The following ZNF124 variants were observed in gnomAD, a reference collection of about 807,000 sequenced individuals.
ZNF124 encodes the protein zinc finger protein HZF-16.
In ZNF124, 25 loss-of-function variants were observed where a neutral mutation model predicts 26.6. The ratio of observed to expected loss-of-function variants is 0.94; its 90% CI spans 0.68 to 1.31. The LOEUF is 1.31. Among genes scored for constraint, ZNF124 ranks in the 40% most tolerant of loss-of-function variants. The pLI, the probability that ZNF124 is intolerant of heterozygous loss-of-function variation, is 0.00. For missense variants in ZNF124, 444 were observed against 422.2 expected, an observed-to-expected ratio of 1.05 and a Z score of -0.45; for synonymous variants, 129 against 133.3, an observed-to-expected ratio of 0.97 and a Z score of 0.22.
In ZNF124 at chr1:247,127,503, AAAG is replaced by A. The variant is rs1207859270; in HGVS notation, c.219-3635_219-3633del. Among the ~76,000 whole-genome samples, 119 of 117,000 alleles carry A rather than the reference AAAG, an allele frequency of 1.0e-3. No homozygotes were observed. The Middle Eastern group carries it at 0.011, about 10-fold the overall frequency. The allele number at this position is 117,000 out of a possible 152,430, so 76.8% of individuals were successfully genotyped here. A position where few individuals can be genotyped will look rare whatever the true frequency, so the allele number is the denominator to read the frequency against. ...TTATGCCCAATTTCTGCCTCCAAAG[AAAG>A]AAGAAGTAAAAACTAAAAGGCAGAA... is the stretch of plus-strand genomic sequence containing the variant. On this transcript the variant is annotated intron_variant, in intron 3 of 3. Coordinates refer to the ZNF124 transcript ENST00000472531.
At chr1:247,128,794 G>A (rs1158972545) in intron 3 of ZNF124, among the ~76,000 whole-genome samples, 1 of 150,778 alleles carries the variant, frequency 6.6e-6, no homozygotes, top group African/African-American at 2.4e-5. Context: ...AGTGAGGCAG[G>A]AACCTGAAAA....
rs530279797 is a variant in ZNF124 at position 247,155,119 on chromosome 1, T to C, written c.*1447A>G. Among the ~76,000 whole-genome samples the C allele has an allele frequency of 3.3e-5, 5 of 152,276 alleles. No individual in the cohort carries two copies. In the East Asian group the frequency reaches 9.6e-4, roughly 29 times the overall value. On this transcript the variant is annotated 3_prime_UTR_variant, in exon 4 of 4. Coordinates refer to ENST00000543802, the MANE Select transcript of ZNF124 (RefSeq NM_001297568.2). The stretch of plus-strand genomic sequence containing the variant: ...TCACAGGTCTCTCTCCTTAAACCAA[T>C]GTTACCTATGCAAATAGCCAAAAAT...
chr1:247,128,890 G>C (rs1672282309), intron 3 of ZNF124, among the ~76,000 whole-genome samples: 1 of 145,094 alleles, frequency 6.9e-6, no homozygotes, highest in Non-Finnish European at 1.5e-5. Context: ...GCAGGATGGG[G>C]TGGGAGGATT....
At chr1:247,152,047 C>T (rs543388944), downstream of ZNF124, among the ~76,000 whole-genome samples, 6 of 135,516 alleles carry the variant, frequency 4.4e-5, no homozygotes, top group Admixed American at 7.4e-5. Context: ...ATGTTCCCCA[C>T]CCCCCGCTTT....
Position 247,168,283 on chromosome 1 carries a change from CT to C in ZNF124, c.30+3564del, listed in dbSNP as rs1400754785. Among the ~76,000 whole-genome samples, 1 of 152,042 alleles carries C rather than the reference CT, an allele frequency of 6.6e-6. No individual in the cohort carries two copies. The highest frequency in any genetic ancestry group is 1.5e-5 in the Non-Finnish European group (1 of 68,008). On this transcript the variant is annotated intron_variant, in intron 1 of 3. Coordinates refer to ENST00000543802, the MANE Select transcript of ZNF124 (RefSeq NM_001297568.2). The surrounding 1 kb of genome is among the most constrained non-coding windows in gnomAD (Gnocchi z 4.0). ...GTGGCTCATGCCTGCAATCCCAGCA[CT>C]TTGGGAGGCTGAGGCAGGTGGATAA...
chr1:247,158,956 A>G (rs1235487243), intron 3 of ZNF124, 50 bp downstream of exon 3: 5 of 1,532,048 alleles, frequency 3.3e-6, no homozygotes, highest in Non-Finnish European at 4.5e-6. Context: ...ATGATTATAT[A>G]CTACAATTGA....
At chr1:247,132,255 A>AC (rs1672384586) in intron 3 of ZNF124, among the ~76,000 whole-genome samples, 1 of 152,122 alleles carries the variant, frequency 6.6e-6, no homozygotes, top group African/African-American at 2.4e-5. Context: ...AACAACAACA[A>AC]AAAAGGCCCT....
chr1:247,149,989 C>T (rs1441892735), downstream of ZNF124: 2 of 152,212 alleles, frequency 1.3e-5, no homozygotes, highest in Non-Finnish European at 2.9e-5. Context: ...AAGGGCAGAA[C>T]TCACTCCCTC....
At chr1:247,134,942 C>T (rs916961214) in intron 3 of ZNF124, among the ~76,000 whole-genome samples, 5 of 152,178 alleles carry the variant, frequency 3.3e-5, no homozygotes, top group African/African-American at 1.2e-4. Context: ...GATTAAGAAA[C>T]TCACTCCAAA....
At position 247,156,755 on chromosome 1, in the gene ZNF124, G is replaced by A. The variant is rs768225770; in HGVS notation, c.867C>T (p.Pro289=). ...KHEKTHIAQK[P]YVCNNCGKGF... ...CTTTACCACAATTGTTACATACATA[G>A]GGTTTCTGTGCAATATGAGTTTTCT... Residue 289 remains proline (P), a synonymous_variant, in exon 4 of 4, where the codon CCC becomes CCT. Coordinates refer to ENST00000543802, the MANE Select transcript of ZNF124 (RefSeq NM_001297568.2). The A allele has an allele frequency of 1.9e-6, 3 of 1,613,142 alleles. No individual in the cohort carries two copies. The highest frequency in any genetic ancestry group is 4.5e-5 in the East Asian group (2 of 44,856).
In ZNF124 at chr1:247,159,772, C is replaced by T. The variant is rs766892499; in HGVS notation, c.72G>A (p.Gln24=). Residue 24 remains glutamine (Q), a synonymous_variant, in exon 2 of 4, where the codon CAG becomes CAA. Transcript: ENST00000543802. ...AAGGATCCAACAAAGCCCACTCCTC[C>T]TGGGTGAAGTTCACAGCCACATCCT... The part of the protein sequence containing the change: ...AFEDVAVNFT[Q]EEWALLDPSQ... 3.7e-6 allele frequency: 6 copies of T among 1,613,758 alleles called. No individual in the cohort carries two copies. Among genetic ancestry groups the T allele is most frequent in the South Asian group, 1.1e-5 (1 of 91,058 alleles).
intron 3 of ZNF124, among the ~76,000 whole-genome samples, chr1:247,124,446 C>CCGCCGCGGCTTCCCAAAGT (rs1371208297): frequency 6.6e-6 from 1 of 152,012 alleles, no homozygotes; most frequent in African/African-American, 2.4e-5. Context: ...TGTGATCTAC[C>CCGCCGCGGCTTCCCAAAGT]CGCCGCGGCT....
chr1:247,148,814 AAG>A (rs1320334070), intron 3 of ZNF124, among the ~76,000 whole-genome samples: 2 of 151,920 alleles, frequency 1.3e-5, no homozygotes, highest in Non-Finnish European at 1.5e-5. Flanking sequence ...CAAAAAAAAA[AAG>A]AAAATTAGCC....
intron 3 of ZNF124, among the ~76,000 whole-genome samples, chr1:247,125,680 C>CCTCCCAAAGT (rs374760143): frequency 6.0e-5 from 9 of 151,192 alleles, no homozygotes; most frequent in South Asian, 4.2e-4. Context: ...TCGGCGCCGG[C>CCTCCCAAAGT]GCCGATTAAA....
downstream of ZNF124, among the ~76,000 whole-genome samples, chr1:247,151,295 T>C (rs568324887): frequency 3.0e-4 from 46 of 152,130 alleles, 2 homozygotes; most frequent in Admixed American, 4.6e-4. Context: ...CTGGCCAACA[T>C]GGTGAAACCC....
chr1:247,146,423 C>CT (rs1672780937), intron 3 of ZNF124, among the ~76,000 whole-genome samples: 7 of 152,178 alleles, frequency 4.6e-5, no homozygotes, highest in Admixed American at 4.6e-4. Flanking sequence ...GAATACAAAG[C>CT]TAGGCAGCCC....
At chr1:247,124,682 A>T (rs886937193) in intron 3 of ZNF124, among the ~76,000 whole-genome samples, 3 of 152,216 alleles carry the variant, frequency 2.0e-5, no homozygotes, top group African/African-American at 7.2e-5. Flanking sequence ...AATTCTGGAC[A>T]TTTCATATAA....
intron 3 of ZNF124, among the ~76,000 whole-genome samples, chr1:247,140,498 T>G (rs1672599588): frequency 6.6e-6 from 1 of 152,218 alleles, no homozygotes; most frequent in South Asian, 2.1e-4. Context: ...GTAAGAACCC[T>G]TGTTGAAAAA....
At position 247,157,352 on chromosome 1, in the gene ZNF124, T is replaced by G. The variant is rs1673211750; in HGVS notation, c.270A>C (p.Gly90=). 11 of 1,556,010 alleles carry G rather than the reference T, an allele frequency of 7.1e-6. No individual in the cohort carries two copies. The highest frequency in any genetic ancestry group is 9.6e-6 in the Non-Finnish European group (11 of 1,148,892). Residue 90 remains glycine, a synonymous_variant, in exon 4 of 4, where the codon GGA becomes GGC. Transcript: ENST00000543802. The part of the protein sequence containing the change: ...GNNPYGCEEC[G]KKPCTCKQCQ... ...ATTGTTTACATGTACATGGCTTCTT[T>G]CCGCATTCCTCACACCCATATGGGT...
Sources: gnomAD v4.1 joint callset for allele counts (sites outside exome capture counted in the v4.1 genomes callset) on GRCh38, gnomAD v4.1.1 for gene constraint, Gnocchi (gnomAD v3.1) non-coding constraint, MANE v1.5 for transcripts, NCBI Gene and HGNC (gene_info 2026-07-23, HGNC 2026-07-21) for gene names.